EPB41L4B: variants seen among roughly 807,000 people sequenced by gnomAD.
EPB41L4B encodes the protein band 4.1-like protein 4B.
EPB41L4B carries 30 observed loss-of-function variants against 112.5 expected under a neutral mutation model. The ratio of observed to expected loss-of-function variants is 0.27; its 90% CI spans 0.20 to 0.36. EPB41L4B has a LOEUF of 0.36. Among genes scored for constraint, EPB41L4B ranks in the 10% least tolerant of loss-of-function variants. EPB41L4B has a pLI of 1.00. For missense variants in EPB41L4B, 1,024 were observed against 1,133.3 expected, an observed-to-expected ratio of 0.90 and a Z score of 1.38; for synonymous variants, 408 against 439.7, an observed-to-expected ratio of 0.93 and a Z score of 0.90.
At chr9:109,194,977 T>C (rs1832592094) in intron 20 of EPB41L4B, among the ~76,000 whole-genome samples, 1 of 152,250 alleles carries the variant, frequency 6.6e-6, no homozygotes, top group African/African-American at 2.4e-5. Context: ...ATTTCATTTA[T>C]TTTTATAATA....
intron 7 of EPB41L4B, among the ~76,000 whole-genome samples, chr9:109,257,412 C>G (rs1329812194): frequency 6.6e-6 from 1 of 152,110 alleles, no homozygotes; most frequent in Non-Finnish European, 1.5e-5. Context: ...ATAAATGACA[C>G]TGCTGGATTT....
chr9:109,221,806 G>A (rs776752570), intron 15 of EPB41L4B, among the ~76,000 whole-genome samples: 80 of 152,326 alleles, frequency 5.3e-4, no homozygotes, highest in African/African-American at 1.6e-3. Flanking sequence ...GAGATCTGGC[G>A]TACATTCAGG....
chr9:109,260,306 G>A (rs1266103621), intron 6 of EPB41L4B, among the ~76,000 whole-genome samples: 6 of 151,932 alleles, frequency 3.9e-5, no homozygotes, highest in Non-Finnish European at 8.8e-5. Context: ...CTGGGCCCAA[G>A]CGATCCGCCC....
intron 1 of EPB41L4B, among the ~76,000 whole-genome samples, chr9:109,289,473 G>A (rs1223078221): frequency 1.3e-5 from 2 of 151,758 alleles, no homozygotes; most frequent in East Asian, 3.8e-4. Context: ...TTCTCTGCCA[G>A]CTGACATTCT....
At chr9:109,194,676 C>A (rs1832581964) in intron 20 of EPB41L4B, among the ~76,000 whole-genome samples, 1 of 152,186 alleles carries the variant, frequency 6.6e-6, no homozygotes, top group Admixed American at 6.5e-5. Context: ...TATAAATATA[C>A]AATTCAGTGG....
chr9:109,234,583 G>A (rs1834072901), intron 15 of EPB41L4B, among the ~76,000 whole-genome samples: 1 of 152,194 alleles, frequency 6.6e-6, no homozygotes, highest in Non-Finnish European at 1.5e-5. Flanking sequence ...AAAGGCAACA[G>A]GCCAGGTGCA....
chr9:109,304,367 A>G (rs1837088917), intron 1 of EPB41L4B, among the ~76,000 whole-genome samples: 1 of 152,178 alleles, frequency 6.6e-6, no homozygotes, highest in African/African-American at 2.4e-5. Context: ...ATTCACAGCA[A>G]TACTGATTCA....
rs1344294792 is a variant in EPB41L4B, at chr9:109,185,665, G to C, written c.2302-60C>G. On this transcript the variant is annotated intron_variant, in intron 22 of 25. Transcript: ENST00000374566. ...GGTGGCAAGAGAAGGGGAGGAGGAA[G>C]AGGAGGTAGGGGAAGGGAAAGGAGA... The C allele has an allele frequency of 2.3e-6, 3 of 1,313,092 alleles. No individual in the cohort carries two copies. In the Admixed American group the frequency reaches 6.1e-5, roughly 26 times the overall value. 81.3% of individuals were successfully genotyped at this position (1,313,092 alleles called of 1,614,324 possible). A position where few individuals can be genotyped will look rare whatever the true frequency, so the allele number is the denominator to read the frequency against.
intron 1 of EPB41L4B, among the ~76,000 whole-genome samples, chr9:109,281,126 CTTTTT>C (rs377524946): frequency 7.5e-6 from 1 of 133,730 alleles, no homozygotes. Context: ...AAATGTGAGA[CTTTTT>C]TTTTTTTTTT....
At chr9:109,251,286 C>T (rs143926766) in intron 13 of EPB41L4B, among the ~76,000 whole-genome samples, 195 bp downstream of exon 13, 19 of 152,338 alleles carry the variant, frequency 1.2e-4, no homozygotes, top group African/African-American at 4.6e-4. Context: ...CCAAAAAAAC[C>T]AAACTGTCTT....
chr9:109,240,892 T>C (rs1021966471), intron 15 of EPB41L4B: 2 of 985,436 alleles, frequency 2.0e-6, no homozygotes, highest in South Asian at 4.7e-5. Flanking sequence ...TTCCCATACT[T>C]GAGCAGCAAA....
rs1186954112 is a variant in EPB41L4B, at chr9:109,176,600, T to C, written c.2584A>G (p.Thr862Ala). Residue 862 changes from threonine to alanine, a missense_variant, in exon 25 of 26, where the codon ACA becomes GCA. Transcript: ENST00000374566. ...CGGGTGGTGTAAATGGTCTGCACTG[T>C]GGAGACGGTCTCTGTCAAAGGCCTC... The part of the protein sequence containing the change: ...TLRPLTETVS[T>A]VQTIYTTRKP... 3 of 1,614,070 alleles carry C rather than the reference T, an allele frequency of 1.9e-6. No homozygotes were observed. In the Admixed American group the frequency reaches 5.0e-5, roughly 27 times the overall value.
chr9:109,199,046 TC>T (rs1219862682), intron 20 of EPB41L4B, among the ~76,000 whole-genome samples: 1 of 152,224 alleles, frequency 6.6e-6, no homozygotes, highest in Non-Finnish European at 1.5e-5. Flanking sequence ...GTGACTCTTG[TC>T]TTTCCCTCCA....
intron 18 of EPB41L4B, 81 bp downstream of exon 18, chr9:109,207,843 T>G: frequency 6.4e-7 from 1 of 1,570,420 alleles, no homozygotes; most frequent in Non-Finnish European, 8.7e-7. Flanking sequence ...AGCATCTCAG[T>G]CCTACGGTGC....
intron 1 of EPB41L4B, among the ~76,000 whole-genome samples, chr9:109,288,097 C>G (rs1836369560): frequency 6.6e-6 from 1 of 152,252 alleles, no homozygotes; most frequent in African/African-American, 2.4e-5. Context: ...AGAAGTGGGG[C>G]CTTCAGGCCC....
chr9:109,246,372 C>T lies in EPB41L4B; in HGVS notation c.1344+1384G>A, dbSNP rs113094715. Among the ~76,000 whole-genome samples, 785 of 152,296 alleles carry T rather than the reference C, an allele frequency of 5.2e-3. 11 individuals carry two copies. Among genetic ancestry groups the T allele is most frequent in the African/African-American group, 0.018 (741 of 41,566 alleles). On this transcript the variant is annotated intron_variant, in intron 14 of 25. Transcript: ENST00000374566. ...ATGGGGTCTCACTATGTTGCCCAGA[C>T]CGGTCTTGAATTCTTGGGCTCAAGT...
At chr9:109,217,319 A>C (rs1241343775) in intron 15 of EPB41L4B, among the ~76,000 whole-genome samples, 174 bp from the exon 16 acceptor site, 1 of 152,366 alleles carries the variant, frequency 6.6e-6, no homozygotes. Flanking sequence ...GAAAAAGAGC[A>C]AAGTGGAAGT....
At chr9:109,305,446 C>T (rs970602387) in intron 1 of EPB41L4B, among the ~76,000 whole-genome samples, 3 of 151,970 alleles carry the variant, frequency 2.0e-5, no homozygotes, top group African/African-American at 4.8e-5. Context: ...TGGTGAAACC[C>T]GGTCTCTACT....
intron 24 of EPB41L4B, among the ~76,000 whole-genome samples, chr9:109,178,351 G>A (rs114827123): frequency 9.0e-4 from 135 of 150,824 alleles, no homozygotes; most frequent in African/African-American, 3.2e-3. Context: ...AGTTTCTAAA[G>A]AAGACACTCT....
Sources: gnomAD v4.1 joint callset for allele counts (sites outside exome capture counted in the v4.1 genomes callset) on GRCh38, gnomAD v4.1.1 for gene constraint, MANE v1.5 for transcripts, NCBI Gene and HGNC (gene_info 2026-07-23, HGNC 2026-07-21) for gene names.